ARPP21: variants seen among roughly 807,000 people sequenced by gnomAD.
ARPP21 encodes cAMP regulated phosphoprotein 21, also known as cAMP-regulated phosphoprotein 21.
ARPP21 carries 69 observed loss-of-function variants against 113.2 expected under a neutral mutation model. The ratio of observed to expected loss-of-function variants is 0.61; its 90% confidence interval spans 0.50 to 0.74. The LOEUF is 0.74. ARPP21 is among the 30% of genes least tolerant of loss of function. The pLI is 0.00. For missense variants in ARPP21, 1,070 were observed against 1,037.4 expected (o/e 1.03, Z -0.43); for synonymous variants, 368 against 375.5 (o/e 0.98, Z 0.23).
At chr3:35,764,250 A>G (rs1213853057) in intron 19 of ARPP21, among the ~76,000 whole-genome samples, 1 of 152,180 alleles carries the variant, frequency 6.6e-6, no homozygotes, top group African/African-American at 2.4e-5. Context: ...TCTCTTAGAG[A>G]CACATATCTT....
At position 35,708,952 on chromosome 3, in the gene ARPP21, T is replaced by C. The variant is rs758513442; in HGVS notation, c.796-17T>C. The C allele has an allele frequency of 1.6e-5, 26 of 1,589,734 alleles. No individual in the cohort carries two copies. The highest frequency in any genetic ancestry group is 5.0e-5 in the Admixed American group (3 of 59,702). ...ACGCAACTTGGATAACCCTCCTGAT[T>C]TCTTTTTTCTGTTCAGCAAAACAGA... On this transcript the variant is annotated splice_polypyrimidine_tract_variant and intron_variant, in intron 10 of 20. Transcript: ENST00000684406.
At chr3:35,668,011 G>GAAGAAA (rs1559549946) in intron 1 of ARPP21, among the ~76,000 whole-genome samples, 53 of 150,092 alleles carry the variant, frequency 3.5e-4, no homozygotes, top group African/African-American at 1.3e-3. Context: ...AGAAGAAGAA[G>GAAGAAA]AAGAAGAAGA....
At chr3:35,773,919 C>G (rs1211370288) in intron 19 of ARPP21, among the ~76,000 whole-genome samples, 2 of 152,114 alleles carry the variant, frequency 1.3e-5, no homozygotes, top group Non-Finnish European at 2.9e-5. Flanking sequence ...ATCAACTAAG[C>G]TGATGATTCT....
chr3:35,667,096 T>C (rs572949325), intron 1 of ARPP21, among the ~76,000 whole-genome samples: 77 of 152,200 alleles, frequency 5.1e-4, no homozygotes, highest in Non-Finnish European at 1.0e-3. Flanking sequence ...AATGTATCTA[T>C]GACTCAGCTT....
intron 1 of ARPP21, among the ~76,000 whole-genome samples, chr3:35,655,237 A>G (rs1704280659): frequency 6.6e-6 from 1 of 152,098 alleles, no homozygotes; most frequent in South Asian, 2.1e-4. Context: ...ATAAATATAT[A>G]TGTGTGTATA....
At chr3:35,662,678 T>G (rs921188483) in intron 1 of ARPP21, among the ~76,000 whole-genome samples, 1 of 152,106 alleles carries the variant, frequency 6.6e-6, no homozygotes, top group Non-Finnish European at 1.5e-5. Flanking sequence ...TTTATTGAAT[T>G]ATTGGATATG....
chr3:35,779,954 G>C (rs964293661), intron 19 of ARPP21, among the ~76,000 whole-genome samples: 2 of 152,088 alleles, frequency 1.3e-5, no homozygotes, highest in Admixed American at 1.3e-4. Flanking sequence ...CTGTTAGAAG[G>C]AACCTCTTTC....
At chr3:35,728,005 C>T (rs577607011) in intron 14 of ARPP21, among the ~76,000 whole-genome samples, 5 of 152,074 alleles carry the variant, frequency 3.3e-5, no homozygotes, top group Admixed American at 6.6e-5. Context: ...ATAAACATCA[C>T]GATTATTTTA....
intron 15 of ARPP21, 135 bp from the exon 16 acceptor site, chr3:35,737,040 TGAA>T: frequency 1.7e-6 from 1 of 578,026 alleles, no homozygotes; most frequent in South Asian, 2.8e-5. Flanking sequence ...TTCACATTGG[TGAA>T]GGTTTTGGGG....
intron 19 of ARPP21, among the ~76,000 whole-genome samples, chr3:35,790,917 T>A (rs926476269): frequency 5.9e-5 from 9 of 152,222 alleles, no homozygotes; most frequent in Admixed American, 4.6e-4. Flanking sequence ...GGTAGCTTTT[T>A]AGATTACACA....
intron 1 of ARPP21, among the ~76,000 whole-genome samples, chr3:35,671,555 AG>A (rs1205246432): frequency 1.3e-5 from 2 of 152,234 alleles, no homozygotes; most frequent in East Asian, 3.9e-4. Flanking sequence ...GAAACAAAAC[AG>A]GGAGAAAAAA....
intron 9 of ARPP21, among the ~76,000 whole-genome samples, chr3:35,700,706 C>T (rs1391381753): frequency 6.6e-6 from 1 of 151,684 alleles, no homozygotes; most frequent in Non-Finnish European, 1.5e-5. Flanking sequence ...GCCTTTCTGT[C>T]AAAGTAGCAC....
chr3:35,767,296 T>G (rs1490592225), intron 19 of ARPP21, among the ~76,000 whole-genome samples: 2 of 152,130 alleles, frequency 1.3e-5, no homozygotes, highest in African/African-American at 2.4e-5. Flanking sequence ...TCCTTTAGAC[T>G]TCTGAGGAAG....
At chr3:35,695,046 T>C (rs1476112798) in intron 9 of ARPP21, among the ~76,000 whole-genome samples, 1 of 150,842 alleles carries the variant, frequency 6.6e-6, no homozygotes, top group Non-Finnish European at 1.5e-5. Flanking sequence ...TTTCTAAGAA[T>C]GAAAAAGCCA....
chr3:35,717,450 G>C, intron 13 of ARPP21, 93 bp downstream of exon 13: 1 of 803,560 alleles, frequency 1.2e-6, no homozygotes, highest in Non-Finnish European at 2.1e-6. Flanking sequence ...AAATATATCT[G>C]TTCATTTAAA....
At chr3:35,692,870 A>T (rs1325057074) in intron 9 of ARPP21, among the ~76,000 whole-genome samples, 1 of 151,714 alleles carries the variant, frequency 6.6e-6, no homozygotes, top group African/African-American at 2.4e-5. Flanking sequence ...GATAGAGCAG[A>T]TATGGAACAC....
In ARPP21 at chr3:35,754,839, A is replaced by G. The variant is rs1000878240; in HGVS notation, c.2137+10874A>G. Among the ~76,000 whole-genome samples, 4 of 151,998 alleles carry G rather than the reference A, an allele frequency of 2.6e-5. No individual in the cohort carries two copies. The South Asian group carries it at 6.2e-4, about 24-fold the overall frequency. On this transcript the variant is annotated intron_variant, in intron 19 of 20. Transcript: ENST00000684406. The stretch of plus-strand genomic sequence containing the variant: ...TATGCAGTTAAGAACTACTGGTATT[A>G]TTAGAATTTTCTGTAAAGATGGAAA...
chr3:35,710,435 G>A (rs1204067115), intron 11 of ARPP21, among the ~76,000 whole-genome samples: 1 of 152,026 alleles, frequency 6.6e-6, no homozygotes, highest in Non-Finnish European at 1.5e-5. Context: ...CTGGAAAGTA[G>A]CATTTTCCTG....
chr3:35,688,585 CA>C (rs2081290030), intron 6 of ARPP21, among the ~76,000 whole-genome samples: 1 of 151,404 alleles, frequency 6.6e-6, no homozygotes, highest in African/African-American at 2.4e-5. Context: ...TAGACTTAAA[CA>C]AACAAACAAA....
Sources: gnomAD v4.1 joint callset for allele counts (sites outside exome capture counted in the v4.1 genomes callset) on GRCh38, gnomAD v4.1.1 for gene constraint, MANE v1.5 for transcripts, NCBI Gene and HGNC (gene_info 2026-07-23, HGNC 2026-07-21) for gene names.